NAP1L1: variants seen among roughly 807,000 people sequenced by gnomAD.
NAP1L1 encodes nucleosome assembly protein 1-like 1.
Under a neutral mutation model 58.9 loss-of-function variants are expected in NAP1L1, and 9 were observed. The ratio of observed to expected loss-of-function variants is 0.15; its 90% CI spans 0.09 to 0.27. The LOEUF (loss-of-function observed/expected upper bound fraction) is 0.27, where lower values mean the gene tolerates loss of function less well. Among genes scored for constraint, NAP1L1 ranks in the 10% least tolerant of loss-of-function variants. The pLI, the probability that NAP1L1 is intolerant of heterozygous loss-of-function variation, is 1.00. For missense variants in NAP1L1, 302 were observed against 458.8 expected, an observed-to-expected ratio of 0.66 and a Z score of 3.12; for synonymous variants, 130 against 138.3, an observed-to-expected ratio of 0.94 and a Z score of 0.42.
chr12:76,060,073 CT>C, intron 5 of NAP1L1, 64 bp downstream of exon 5: 1 of 1,524,796 alleles, frequency 6.6e-7, no homozygotes, highest in Non-Finnish European at 9.0e-7. Flanking sequence ...TCTTCCAAGT[CT>C]GCTTATGTTT....
At chr12:76,061,092 C>G (rs2137018194) in intron 4 of NAP1L1, 1 of 414,374 alleles carries the variant, frequency 2.4e-6, no homozygotes, top group Non-Finnish European at 4.8e-6. Flanking sequence ...GAGACCCTGT[C>G]TCAAAAATAA....
Position 76,068,943 on chromosome 12 carries a change from T to C in NAP1L1, c.69A>G (p.Glu23=), listed in dbSNP as rs751339694. 2 of 1,613,404 alleles carry C rather than the reference T, an allele frequency of 1.2e-6. No homozygotes were observed. The change falls in exon 3 of 15, where the codon GAA becomes GAG. Residue 23 remains glutamate (E), a synonymous_variant. Coordinates refer to ENST00000618691, the MANE Select transcript of NAP1L1 (RefSeq NM_004537.7). Reference sequence around the variant, plus strand: ...TTGTTTCTTCACCAGTTTCCTCTTCTTCTACTTCTTCAACATCATCCAAAT... The same window carrying C: ...TTGTTTCTTCACCAGTTTCCTCTTCCTCTACTTCTTCAACATCATCCAAAT... ...DQDLDDVEEV[E]EEETGEETKL... is the part of the protein sequence containing the mutation.
At chr12:76,071,353 C>T (rs1949943196) in intron 2 of NAP1L1, among the ~76,000 whole-genome samples, 2 of 152,162 alleles carry the variant, frequency 1.3e-5, no homozygotes, top group Non-Finnish European at 2.9e-5. Context: ...GCTGTCACAA[C>T]CAATTTACTC....
chr12:76,077,060 C>CA (rs1950208424), intron 1 of NAP1L1, among the ~76,000 whole-genome samples: 2 of 152,118 alleles, frequency 1.3e-5, no homozygotes, highest in African/African-American at 4.8e-5. Context: ...CAGCAATTGT[C>CA]AAAAACAGAA....
chr12:76,071,009 A>G (rs565621244), intron 2 of NAP1L1, among the ~76,000 whole-genome samples: 1 of 152,320 alleles, frequency 6.6e-6, no homozygotes, highest in South Asian at 2.1e-4. Flanking sequence ...TCTATTAAAA[A>G]CAAAACAAAC....
chr12:76,059,963 A>C, intron 5 of NAP1L1, 85 bp from the exon 6 acceptor site: 2 of 1,255,218 alleles, frequency 1.6e-6, no homozygotes, highest in Non-Finnish European at 2.2e-6. Flanking sequence ...AAGTCTTACA[A>C]ATTTAACAAA....
At chr12:76,059,503 T>G (rs1181859141) in intron 6 of NAP1L1, 7 of 305,044 alleles carry the variant, frequency 2.3e-5, no homozygotes, top group South Asian at 5.3e-5. Flanking sequence ...AATTCGAACT[T>G]TAAGTCAGGT....
At chr12:76,082,101 ATT>A (rs1221174104) in intron 1 of NAP1L1, among the ~76,000 whole-genome samples, 2 of 152,220 alleles carry the variant, frequency 1.3e-5, no homozygotes, top group East Asian at 3.8e-4. Flanking sequence ...GATCATTAAT[ATT>A]TTGATATTGA....
Position 76,053,097 on chromosome 12 carries a change from T to C in NAP1L1, c.930A>G (p.Gly310=). ...ATATAACAATTCAACTTACCAGATC[T>C]CCACTCTCAGGAACTGCAAAATTGA... is the stretch of plus-strand genomic sequence containing the variant. ...FFAPPEVPES[G]DLDDDAEAIL... is the part of the protein sequence containing the mutation. Residue 310 remains glycine (G), a synonymous_variant, in exon 11 of 15, where the codon GGA becomes GGG. Transcript: ENST00000618691. The C allele has an allele frequency of 6.2e-7, 1 of 1,609,702 alleles. No homozygotes were observed. Among genetic ancestry groups the C allele is most frequent in the Non-Finnish European group, 8.5e-7 (1 of 1,177,096 alleles).
intron 9 of NAP1L1, 98 bp from the exon 10 acceptor site, chr12:76,053,448 G>A (rs1052954776): frequency 1.5e-6 from 2 of 1,364,744 alleles, no homozygotes; most frequent in Non-Finnish European, 2.0e-6. Flanking sequence ...AATTTTAGAA[G>A]GGTGAATTGC....
intron 2 of NAP1L1, among the ~76,000 whole-genome samples, chr12:76,069,920 C>T (rs1949868513): frequency 6.6e-6 from 1 of 152,014 alleles, no homozygotes; most frequent in Admixed American, 6.6e-5. Flanking sequence ...TGTAAAACAT[C>T]ATTGTATAAT....
chr12:76,040,940 G>A lies in NAP1L1; in HGVS notation c.*7489C>T, dbSNP rs1446041714. 6.6e-6 allele frequency: 1 copy of A among 152,194 alleles called. No homozygotes were observed. The highest frequency in any genetic ancestry group is 1.5e-5 in the Non-Finnish European group (1 of 68,046). The allele number at this position is 152,194 out of a possible 1,614,324, so 9.4% of individuals were successfully genotyped here. A position where few individuals can be genotyped will look rare whatever the true frequency, so the allele number is the denominator to read the frequency against. On this transcript the variant is annotated 3_prime_UTR_variant, in exon 15 of 15. Coordinates refer to ENST00000618691, the MANE Select transcript of NAP1L1 (RefSeq NM_004537.7). ...ATAATACACATAACATACAAAGTGT[G>A]TGTTAAATGACTTATTGGTAAAGTT...
In NAP1L1 at chr12:76,037,067, CAAAAT is replaced by C. The variant is rs1160894846; in HGVS notation, c.*11357_*11361del. ...TGGGCAACAGAGCGAGAATCTGTCT[CAAAAT>C]AAATAATTAAATAAATAAACAAATA... On this transcript the variant is annotated 3_prime_UTR_variant, in exon 15 of 15. Coordinates refer to ENST00000618691, the MANE Select transcript of NAP1L1 (RefSeq NM_004537.7). 2.0e-5 allele frequency: 3 copies of C among 152,216 alleles called. No homozygotes were observed. The highest frequency in any genetic ancestry group is 4.4e-5 in the Non-Finnish European group (3 of 68,076). 9.4% of individuals were successfully genotyped at this position (152,216 alleles called of 1,614,324 possible).
rs2136931839 is a variant in NAP1L1, at chr12:76,039,355, A to G, written c.*9074T>C. 1 of 152,420 alleles carries G rather than the reference A, an allele frequency of 6.6e-6. No homozygotes were observed. The highest frequency in any genetic ancestry group is 2.4e-5 in the African/African-American group (1 of 41,580). 9.4% of individuals were successfully genotyped at this position (152,420 alleles called of 1,614,324 possible). On this transcript the variant is annotated 3_prime_UTR_variant, in exon 15 of 15. Coordinates refer to ENST00000618691, the MANE Select transcript of NAP1L1 (RefSeq NM_004537.7). ...AGAGCCCCAGCAACCACTTGATAAT[A>G]AACCAACTTGCCAAAGACAAAAAGT...
At chr12:76,049,342 CG>C in intron 13 of NAP1L1, 92 bp from the exon 14 acceptor site, 2 of 1,598,608 alleles carry the variant, frequency 1.3e-6, no homozygotes, top group Non-Finnish European at 1.7e-6. Context: ...AGTTACTCTA[CG>C]GATCAACAGA....
In NAP1L1 at chr12:76,060,192, T is replaced by G; in HGVS notation, c.294A>C (p.Glu98Asp). 6.2e-7 allele frequency: 1 copy of G among 1,613,394 alleles called. No homozygotes were observed. Among genetic ancestry groups the G allele is most frequent in the East Asian group, 2.2e-5 (1 of 44,802 alleles). The change falls in exon 5 of 15, where the codon GAA (glutamate) becomes GAC (aspartate). Residue 98 changes from glutamate to aspartate, a missense_variant. By Grantham distance (45) the Glu-to-Asp change is conservative. Coordinates refer to ENST00000618691, the MANE Select transcript of NAP1L1 (RefSeq NM_004537.7). ...CAQIEAKFYEEVHDLERKYAV... is the reference protein window; with the variant it reads ...CAQIEAKFYEDVHDLERKYAV... ...CATACTTCCTTTCAAGATCGTGAAC[T>G]TCCTCATAGAATTTGGCTTCTATCT...
chr12:76,042,866 T>C lies in NAP1L1; in HGVS notation c.*5563A>G, dbSNP rs926207930. 2.0e-5 allele frequency: 3 copies of C among 152,198 alleles called. No homozygotes were observed. The highest frequency in any genetic ancestry group is 7.2e-5 in the African/African-American group (3 of 41,434). The allele number at this position is 152,198 out of a possible 1,614,324, so 9.4% of individuals were successfully genotyped here. A position where few individuals can be genotyped will look rare whatever the true frequency, so the allele number is the denominator to read the frequency against. ...AACGCCTGTAAGACTAGAAAACTTT[T>C]TGAGCCAAAAAGTATGTTGATCAGA... is the stretch of plus-strand genomic sequence containing the variant. On this transcript the variant is annotated 3_prime_UTR_variant, in exon 15 of 15. Transcript: ENST00000618691.
chr12:76,068,846 T>C (rs1198285556), intron 3 of NAP1L1, 63 bp downstream of exon 3: 3 of 1,240,654 alleles, frequency 2.4e-6, no homozygotes, highest in African/African-American at 3.0e-5. Flanking sequence ...CTGGTACTTA[T>C]AACTACCCTC....
chr12:76,065,440 C>G (rs1290851733), intron 4 of NAP1L1, among the ~76,000 whole-genome samples: 1 of 151,440 alleles, frequency 6.6e-6, no homozygotes, highest in Non-Finnish European at 1.5e-5. Context: ...CTAAAACTGC[C>G]ATTATTTGCA....
Sources: allele counts gnomAD v4.1 joint callset (sites outside exome capture counted in the v4.1 genomes callset), GRCh38; gene constraint gnomAD v4.1.1; transcripts MANE v1.5; gene names NCBI Gene and HGNC (gene_info 2026-07-23, HGNC 2026-07-21).